KCND3: variants seen among roughly 807,000 people sequenced by gnomAD.
The protein encoded by KCND3 is A-type voltage-gated potassium channel KCND3.
Under a neutral mutation model 51.1 loss-of-function variants are expected in KCND3, and 9 were observed. That is an observed-to-expected ratio of 0.18 (90% confidence interval 0.11 to 0.31). The LOEUF (loss-of-function observed/expected upper bound fraction) is 0.31, where lower values mean the gene tolerates loss of function less well. Ranked by LOEUF, KCND3 falls within the 10% of genes least tolerant of loss-of-function variation. The pLI is 1.00. For missense variants in KCND3, 526 were observed against 903.8 expected, an observed-to-expected ratio of 0.58 and a Z score of 5.36; for synonymous variants, 349 against 368.0, an observed-to-expected ratio of 0.95 and a Z score of 0.59.
At chr1:111,864,576 T>C (rs1053961132) in intron 2 of KCND3, among the ~76,000 whole-genome samples, 4 of 152,238 alleles carry the variant, frequency 2.6e-5, no homozygotes, top group Non-Finnish European at 5.9e-5. Context: ...CTTTCTTTCA[T>C]GTAGCTTGAA....
intron 2 of KCND3, among the ~76,000 whole-genome samples, chr1:111,921,783 G>A (rs1026071765): frequency 6.6e-6 from 1 of 152,048 alleles, no homozygotes; most frequent in East Asian, 1.9e-4. Context: ...GAATCACTAC[G>A]TATTTTCATG....
At chr1:111,831,741 C>T (rs1200830595) in intron 2 of KCND3, among the ~76,000 whole-genome samples, 4 of 152,172 alleles carry the variant, frequency 2.6e-5, no homozygotes, top group Admixed American at 2.0e-4. Context: ...ACGAGAATCA[C>T]CTGGAGAGTC....
In KCND3 at chr1:111,829,324, C is replaced by T. The variant is rs533510208; in HGVS notation, c.1107-42218G>A. 2.6e-3 allele frequency among the ~76,000 whole-genome samples: 391 copies of T among 152,036 alleles called. 4 individuals are homozygous for T. The highest frequency in any genetic ancestry group is 9.2e-3 in the African/African-American group (381 of 41,454). On this transcript the variant is annotated intron_variant, in intron 2 of 7. Coordinates refer to ENST00000302127, the MANE Select transcript of KCND3 (RefSeq NM_001378969.1). ...GAGTGGTAGGGACAATTCAAATGGGCCTTCCAGACAGAAGAAATGGGCTGG... is the reference window on the plus strand; with the variant it reads ...GAGTGGTAGGGACAATTCAAATGGGTCTTCCAGACAGAAGAAATGGGCTGG...
chr1:111,897,544 C>T (rs1382954126), intron 2 of KCND3, among the ~76,000 whole-genome samples: 1 of 152,216 alleles, frequency 6.6e-6, no homozygotes, highest in Admixed American at 6.5e-5. Context: ...GCGTGGGGCA[C>T]AGGAGCGGAG....
rs559170883 is a variant in KCND3, at chr1:111,823,527, T to C, written c.1107-36421A>G. On this transcript the variant is annotated intron_variant, in intron 2 of 7. Transcript: ENST00000302127. ...CTCCTATTTTGAGCTTTAGTTCTTTTTTTAATGATGCTGGTTTTACACTGT... is the reference window on the plus strand; with the variant it reads ...CTCCTATTTTGAGCTTTAGTTCTTTCTTTAATGATGCTGGTTTTACACTGT... 3.3e-5 allele frequency among the ~76,000 whole-genome samples: 5 copies of C among 152,352 alleles called. No individual in the cohort carries two copies. The East Asian group carries it at 9.6e-4, about 29-fold the overall frequency.
intron 2 of KCND3, among the ~76,000 whole-genome samples, chr1:111,918,445 C>T (rs973791465): frequency 3.3e-5 from 5 of 152,240 alleles, no homozygotes; most frequent in South Asian, 2.1e-4. Flanking sequence ...TTTTCAGTAC[C>T]GTGCTACATG....
In KCND3 at chr1:111,785,436, G is replaced by A. The variant is rs549833594; in HGVS notation, c.1269+1508C>T. ...AACCCTGACCTTGGGTGAAGAGGTA[G>A]GAGATAGGTGTGTATGGGACACAAA... On this transcript the variant is annotated intron_variant, in intron 3 of 7. Coordinates refer to ENST00000302127, the MANE Select transcript of KCND3 (RefSeq NM_001378969.1). 1.3e-3 allele frequency among the ~76,000 whole-genome samples: 205 copies of A among 152,296 alleles called. 1 individual carries two copies. Among genetic ancestry groups the A allele is most frequent in the Non-Finnish European group, 4.1e-4 (28 of 68,032 alleles).
chr1:111,847,203 G>A (rs1178726209), intron 2 of KCND3, among the ~76,000 whole-genome samples: 2 of 152,182 alleles, frequency 1.3e-5, no homozygotes, highest in Non-Finnish European at 2.9e-5. Context: ...GGGGCAGCAG[G>A]GCCATCTTCC....
chr1:111,904,036 C>A (rs1035379687), intron 2 of KCND3, among the ~76,000 whole-genome samples: 1 of 151,968 alleles, frequency 6.6e-6, no homozygotes, highest in African/African-American at 2.4e-5. Context: ...AATTTGTTGG[C>A]CTTCTGGCTC....
intron 2 of KCND3, among the ~76,000 whole-genome samples, chr1:111,855,905 T>C (rs1417801449): frequency 6.6e-6 from 1 of 152,148 alleles, no homozygotes; most frequent in Non-Finnish European, 1.5e-5. Context: ...AAGAGAATCA[T>C]AGAAACGGCC....
intron 2 of KCND3, among the ~76,000 whole-genome samples, chr1:111,948,457 C>T (rs778678219): frequency 2.0e-5 from 3 of 152,220 alleles, no homozygotes; most frequent in Non-Finnish European, 4.4e-5. Flanking sequence ...CTGGCCCACA[C>T]TTAAGGATAG....
intron 2 of KCND3, among the ~76,000 whole-genome samples, chr1:111,882,563 T>A (rs1269637339): frequency 6.6e-6 from 1 of 151,942 alleles, no homozygotes; most frequent in Non-Finnish European, 1.5e-5. Flanking sequence ...TCTCAGGGTG[T>A]GAGTGAAGGC....
chr1:111,840,194 T>C (rs1162656740), intron 2 of KCND3, among the ~76,000 whole-genome samples: 1 of 152,110 alleles, frequency 6.6e-6, no homozygotes, highest in African/African-American at 2.4e-5. Context: ...AATCACTTCC[T>C]AGAGGCCCCA....
chr1:111,870,055 A>G (rs1304308916), intron 2 of KCND3, among the ~76,000 whole-genome samples: 1 of 152,252 alleles, frequency 6.6e-6, no homozygotes, highest in African/African-American at 2.4e-5. Flanking sequence ...TGGCAGACTA[A>G]TAATAGGTAA....
chr1:111,931,189 T>C (rs1486498707), intron 2 of KCND3, among the ~76,000 whole-genome samples: 1 of 152,110 alleles, frequency 6.6e-6, no homozygotes, highest in Non-Finnish European at 1.5e-5. Context: ...ACCAGAAACT[T>C]AAGAGACTGG....
intron 2 of KCND3, among the ~76,000 whole-genome samples, chr1:111,851,803 TGGAA>T (rs1028880989): frequency 6.6e-6 from 1 of 152,188 alleles, no homozygotes; most frequent in Non-Finnish European, 1.5e-5. Flanking sequence ...GCCGTGGCTA[TGGAA>T]CAAAGAGTGG....
chr1:111,902,405 G>A lies in KCND3; in HGVS notation c.1106+79216C>T, dbSNP rs886897124. Among the ~76,000 whole-genome samples the A allele has an allele frequency of 8.5e-5, 13 of 152,200 alleles. 1 individual carries two copies. Among genetic ancestry groups the A allele is most frequent in the South Asian group, 4.1e-4 (2 of 4,836 alleles). ...GGCACCCTGGGACAAAGGTGAGTGCGGATGAGGGACACAGGGAGTGTGGCT... is the reference window on the plus strand; with the variant it reads ...GGCACCCTGGGACAAAGGTGAGTGCAGATGAGGGACACAGGGAGTGTGGCT... On this transcript the variant is annotated intron_variant, in intron 2 of 7. Coordinates refer to ENST00000302127, the MANE Select transcript of KCND3 (RefSeq NM_001378969.1).
chr1:111,938,747 A>C (rs1385202322), intron 2 of KCND3, among the ~76,000 whole-genome samples: 1 of 152,212 alleles, frequency 6.6e-6, no homozygotes, highest in East Asian at 1.9e-4. Flanking sequence ...GGCCGCCAGG[A>C]CTGCACAGAG....
chr1:111,876,265 C>T (rs764811285), intron 2 of KCND3, among the ~76,000 whole-genome samples: 15 of 152,208 alleles, frequency 9.9e-5, no homozygotes, highest in Non-Finnish European at 1.3e-4. Flanking sequence ...TGATCCTTTT[C>T]GGTTTAGAAT....
Sources: gnomAD v4.1 joint callset for allele counts (sites outside exome capture counted in the v4.1 genomes callset) on GRCh38, gnomAD v4.1.1 for gene constraint, MANE v1.5 for transcripts, NCBI Gene and HGNC (gene_info 2026-07-23, HGNC 2026-07-21) for gene names.